Variants in CNTRL observed in about 807,000 individuals in gnomAD.
CNTRL encodes the protein 110 kDa centrosomal protein.
A neutral mutation model predicts 303.7 loss-of-function variants in CNTRL; 233 were observed. That is an observed-to-expected ratio of 0.77 (90% CI 0.69 to 0.86). The LOEUF (loss-of-function observed/expected upper bound fraction) is 0.86, where lower values mean the gene tolerates loss of function less well. Ranked by LOEUF, CNTRL falls within the 40% of genes least tolerant of loss-of-function variation. The pLI is 0.00. For missense variants in CNTRL, 2,524 were observed against 2,650.6 expected (o/e 0.95, Z 1.05); for synonymous variants, 900 against 922.2 (o/e 0.98, Z 0.44).
chr9:121,148,131 C>T lies in CNTRL; in HGVS notation c.3460-541C>T, dbSNP rs758690094. Among the ~76,000 whole-genome samples, 9 of 152,132 alleles carry T rather than the reference C, an allele frequency of 5.9e-5. No individual in the cohort carries two copies. In the South Asian group the frequency reaches 1.2e-3, roughly 21 times the overall value. On this transcript the variant is annotated intron_variant, in intron 23 of 43. Transcript: ENST00000373855. Reference sequence around the variant, plus strand: ...TACAGAGAGAACAGAGGCTGACACCCGGGAGTCTCATCACTATGGAGAACT... The same window carrying T: ...TACAGAGAGAACAGAGGCTGACACCTGGGAGTCTCATCACTATGGAGAACT...
chr9:121,093,544 A>G (rs1307972749), intron 4 of CNTRL, among the ~76,000 whole-genome samples: 1 of 152,212 alleles, frequency 6.6e-6, no homozygotes, highest in Non-Finnish European at 1.5e-5. Flanking sequence ...ATAGGAATGA[A>G]TGGAAGACAG....
intron 20 of CNTRL, 92 bp downstream of exon 20, chr9:121,144,174 G>T (rs908237358): frequency 1.1e-5 from 13 of 1,131,616 alleles, no homozygotes; most frequent in South Asian, 5.5e-5. Context: ...ATAGACATTG[G>T]TTATTTTATA....
intron 32 of CNTRL, among the ~76,000 whole-genome samples, chr9:121,160,986 C>T (rs900697466): frequency 6.6e-6 from 1 of 151,970 alleles, no homozygotes; most frequent in African/African-American, 2.4e-5. Flanking sequence ...TCCACCACAC[C>T]CCCCAAAAAA....
intron 26 of CNTRL, 125 bp downstream of exon 26, chr9:121,152,818 G>A: frequency 1.4e-6 from 1 of 729,538 alleles, no homozygotes; most frequent in Non-Finnish European, 2.2e-6. Context: ...CACTAGCTCA[G>A]TGTGGCTGTT....
Position 121,089,587 on chromosome 9 carries a change from T to TA in CNTRL, c.218-687dup, listed in dbSNP as rs570588198. On this transcript the variant is annotated intron_variant, in intron 3 of 43. Coordinates refer to ENST00000373855, the MANE Select transcript of CNTRL (RefSeq NM_007018.6). ...TCTCTATTTAAAAGTGCAACAAATT[T>TA]AGAGTTTCTTACCATAAAAAAATAG... 4.3e-4 allele frequency among the ~76,000 whole-genome samples: 65 copies of TA among 152,312 alleles called. No individual in the cohort carries two copies. In the East Asian group the frequency reaches 6.2e-3, roughly 14 times the overall value.
In CNTRL at chr9:121,142,074, A is replaced by G; in HGVS notation, c.2692-17A>G. ...ATTTTGCCTAAAAATCATTCTTGAA[A>G]TTGTATTTCTTCACAGATGAATTTT... On this transcript the variant is annotated splice_polypyrimidine_tract_variant and intron_variant, in intron 18 of 43. Transcript: ENST00000373855. The G allele has an allele frequency of 6.5e-7, 1 of 1,547,940 alleles. No homozygotes were observed. The highest frequency in any genetic ancestry group is 8.7e-7 in the Non-Finnish European group (1 of 1,149,402).
chr9:121,105,337 C>A (rs2049415172), intron 7 of CNTRL, among the ~76,000 whole-genome samples: 1 of 152,102 alleles, frequency 6.6e-6, no homozygotes, highest in Admixed American at 6.5e-5. Flanking sequence ...AATTCCCAGG[C>A]TTTTGGCTCA....
rs546996691 is a variant in CNTRL at position 121,171,493 on chromosome 9, G to A, written c.6362G>A (p.Arg2121His). Residue 2121 changes from arginine (R) to histidine (H), a missense_variant, in exon 40 of 44, where the codon CGC becomes CAC. Transcript: ENST00000373855. ...VAQDNHERARRLMKELNQMQY... is the reference protein window; with the variant it reads ...VAQDNHERARHLMKELNQMQY... ...CAGGACAACCATGAGCGGGCCAGGC[G>A]CCTGATGAAGGAGCTCAACCAGATG... 48 of 1,614,054 alleles carry A rather than the reference G, an allele frequency of 3.0e-5. No homozygotes were observed. Among genetic ancestry groups the A allele is most frequent in the East Asian group, 2.2e-4 (10 of 44,860 alleles).
intron 9 of CNTRL, among the ~76,000 whole-genome samples, 200 bp downstream of exon 9, chr9:121,112,778 A>G (rs1256491254): frequency 6.6e-6 from 1 of 152,208 alleles, no homozygotes; most frequent in Non-Finnish European, 1.5e-5. Context: ...AAGAGGTAAA[A>G]AACTTCAAAA....
At chr9:121,093,353 A>G (rs2048749363) in intron 4 of CNTRL, among the ~76,000 whole-genome samples, 1 of 152,152 alleles carries the variant, frequency 6.6e-6, no homozygotes, top group Admixed American at 6.5e-5. Flanking sequence ...CCAAAATCCA[A>G]AACTTTTTGA....
chr9:121,132,074 A>G (rs543353599), intron 14 of CNTRL, among the ~76,000 whole-genome samples: 8 of 152,024 alleles, frequency 5.3e-5, no homozygotes, highest in South Asian at 2.1e-4. Flanking sequence ...TTTTTCCTTC[A>G]TGTCAACCTT....
chr9:121,077,039 T>C (rs2047952960), intron 1 of CNTRL, among the ~76,000 whole-genome samples: 1 of 151,906 alleles, frequency 6.6e-6, no homozygotes, highest in African/African-American at 2.4e-5. Context: ...TGGATGGAGG[T>C]GGAGTTTGCA....
In CNTRL at chr9:121,126,603, T is replaced by C. The variant is rs543711320; in HGVS notation, c.2025+667T>C. ...CAACCCAGCTTAAGAAATAAAACAT[T>C]ATAGGTACATTTGAAATCCTCTGTC... On this transcript the variant is annotated intron_variant, in intron 14 of 43. Transcript: ENST00000373855. Among the ~76,000 whole-genome samples, 3 of 152,268 alleles carry C rather than the reference T, an allele frequency of 2.0e-5. No individual in the cohort carries two copies. In the South Asian group the frequency reaches 6.2e-4, roughly 32 times the overall value.
intron 11 of CNTRL, among the ~76,000 whole-genome samples, chr9:121,115,942 A>G (rs998826206): frequency 3.9e-5 from 6 of 152,196 alleles, no homozygotes; most frequent in Non-Finnish European, 5.9e-5. Context: ...TTGGAACCTT[A>G]CTATATGTCA....
intron 11 of CNTRL, among the ~76,000 whole-genome samples, chr9:121,115,809 T>C (rs2049949805): frequency 6.6e-6 from 1 of 152,238 alleles, no homozygotes; most frequent in South Asian, 2.1e-4. Context: ...ATTATGATGG[T>C]AACTACATTC....
At position 121,154,711 on chromosome 9, in the gene CNTRL, T is replaced by A. The variant is rs1178014133; in HGVS notation, c.4173-10T>A. ...AACATTTTTTAATGGGTGTATATAT[T>A]ATTTTTTAGGGACTTCATTGATGGA... On this transcript the variant is annotated splice_polypyrimidine_tract_variant and intron_variant, in intron 26 of 43. Coordinates refer to ENST00000373855, the MANE Select transcript of CNTRL (RefSeq NM_007018.6). The A allele has an allele frequency of 6.4e-7, 1 of 1,554,292 alleles. No homozygotes were observed. The highest frequency in any genetic ancestry group is 1.7e-5 in the Admixed American group (1 of 59,686).
chr9:121,167,525 C>T lies in CNTRL; in HGVS notation c.5692C>T (p.Leu1898Phe). Reference protein sequence around the residue: ...LHTTKHQDVLLSEQTRLQKDI... With the variant: ...LHTTKHQDVLFSEQTRLQKDI... The stretch of plus-strand genomic sequence containing the variant: ...CACCACCAAGCATCAGGATGTGTTG[C>T]TCAGTGAGCAGACCCGACTCCAGAA... The change falls in exon 37 of 44, where the codon CTC becomes TTC. Residue 1898 changes from leucine (L) to phenylalanine (F), a missense_variant. Leu to Phe is a conservative substitution (Grantham distance 22, BLOSUM62 0). Transcript: ENST00000373855. 1 of 1,614,016 alleles carries T rather than the reference C, an allele frequency of 6.2e-7. No individual in the cohort carries two copies. The highest frequency in any genetic ancestry group is 8.5e-7 in the Non-Finnish European group (1 of 1,179,986).
intron 14 of CNTRL, among the ~76,000 whole-genome samples, chr9:121,131,959 G>A (rs1306563405): frequency 1.3e-5 from 2 of 152,186 alleles, no homozygotes; most frequent in East Asian, 3.8e-4. Flanking sequence ...TTGAATATTG[G>A]CCTCTACTCT....
At chr9:121,108,196 C>T (rs1216801813) in intron 8 of CNTRL, among the ~76,000 whole-genome samples, 1 of 152,122 alleles carries the variant, frequency 6.6e-6, no homozygotes, top group African/African-American at 2.4e-5. Flanking sequence ...TCTTGAGCTG[C>T]ATTATGTACT....
Sources: gnomAD v4.1 joint callset for allele counts (sites outside exome capture counted in the v4.1 genomes callset) on GRCh38, gnomAD v4.1.1 for gene constraint, MANE v1.5 for transcripts, NCBI Gene and HGNC (gene_info 2026-07-23, HGNC 2026-07-21) for gene names.